The following CRHR2 variants were observed in gnomAD, a reference collection of about 807,000 sequenced individuals.
The protein encoded by CRHR2 is corticotropin-releasing hormone receptor 2.
Under a neutral mutation model 57.9 loss-of-function variants are expected in CRHR2, and 53 were observed. The observed-to-expected ratio is 0.92, with a 90% CI of 0.73 to 1.15. The LOEUF (loss-of-function observed/expected upper bound fraction) is 1.15, where lower values mean the gene tolerates loss of function less well. Among genes scored for constraint, CRHR2 ranks in the 50% most tolerant of loss-of-function variants. The pLI, the probability that CRHR2 is intolerant of heterozygous loss-of-function variation, is 0.00. For synonymous variants in CRHR2, 213 were observed against 220.9 expected (o/e 0.96, Z 0.32); for missense variants, 532 against 542.6 (o/e 0.98, Z 0.19).
intron 5 of CRHR2, among the ~76,000 whole-genome samples, chr7:30,663,105 A>T (rs1784077342): frequency 6.6e-6 from 1 of 152,094 alleles, no homozygotes; most frequent in Non-Finnish European, 1.5e-5. Context: ...CTAATTTTTC[A>T]TTCTAGTAAA....
chr7:30,662,907 A>G (rs1784067640), intron 5 of CRHR2, 60 bp from the exon 6 acceptor site: 8 of 1,574,638 alleles, frequency 5.1e-6, no homozygotes, highest in Non-Finnish European at 6.1e-6. Context: ...GGACATACCC[A>G]TCCCCAGGCA....
At chr7:30,673,214 C>CA (rs1562802334) in intron 2 of CRHR2, among the ~76,000 whole-genome samples, 1 of 146,584 alleles carries the variant, frequency 6.8e-6, no homozygotes, top group Non-Finnish European at 1.5e-5. Context: ...TTCTTACCTA[C>CA]TTTTTTTTTT....
At position 30,693,138 on chromosome 7, in the gene CRHR2, G is replaced by A. The variant is rs190987750; in HGVS notation, c.-260-3854C>T. 6.0e-3 allele frequency among the ~76,000 whole-genome samples: 914 copies of A among 152,316 alleles called. 13 individuals carry two copies. The highest frequency in any genetic ancestry group is 0.02 in the African/African-American group (836 of 41,556). On this transcript the variant is annotated intron_variant, in intron 1 of 13. Coordinates refer to the CRHR2 transcript ENST00000341843. ...GGGCAGGACCTTGCACAAGAGAGAT[G>A]AGGAATTATAAATATTAGGTCTTAG...
chr7:30,662,627 A>G (rs2128141813), intron 6 of CRHR2, 67 bp downstream of exon 6: 1 of 1,565,012 alleles, frequency 6.4e-7, no homozygotes, highest in Non-Finnish European at 8.7e-7. Context: ...TGGACCCAAG[A>G]CGAAGGGAAA....
chr7:30,674,007 C>A (rs956747235), intron 2 of CRHR2, among the ~76,000 whole-genome samples: 2 of 152,160 alleles, frequency 1.3e-5, no homozygotes, highest in African/African-American at 4.8e-5. Flanking sequence ...GATTCCATTT[C>A]TTAGTGTTAT....
At chr7:30,658,037 C>A (rs1453788094) in intron 8 of CRHR2, among the ~76,000 whole-genome samples, 2 of 152,216 alleles carry the variant, frequency 1.3e-5, no homozygotes, top group African/African-American at 4.8e-5. Context: ...TTACACTTGG[C>A]AGACATTTAG....
At chr7:30,658,534 C>G (rs1783875344) in intron 8 of CRHR2, among the ~76,000 whole-genome samples, 1 of 152,198 alleles carries the variant, frequency 6.6e-6, no homozygotes, top group African/African-American at 2.4e-5. Flanking sequence ...TGAGGCCCCC[C>G]TCCCAAATGA....
Position 30,699,944 on chromosome 7 carries a change from G to A in CRHR2, c.-261C>T, listed in dbSNP as rs758763493. On this transcript the variant is annotated splice_region_variant and 5_prime_UTR_variant, in exon 1 of 14. Coordinates refer to the CRHR2 transcript ENST00000341843. ...GTGGACTCCCACTCCCTGCACTTAC[G>A]TATTGGAGCGGCGGTGGGAGGAGGC... 65 of 1,508,034 alleles carry A rather than the reference G, an allele frequency of 4.3e-5. No homozygotes were observed. In the East Asian group the frequency reaches 6.8e-4, roughly 16 times the overall value. 93.4% of individuals were successfully genotyped at this position (1,508,034 alleles called of 1,614,324 possible).
intron 3 of CRHR2, among the ~76,000 whole-genome samples, chr7:30,666,017 T>C (rs1175723074): frequency 6.6e-6 from 1 of 152,174 alleles, no homozygotes; most frequent in East Asian, 1.9e-4. Flanking sequence ...AGTGCCACTG[T>C]GCCTGGCACC....
intron 2 of CRHR2, among the ~76,000 whole-genome samples, chr7:30,675,156 C>T (rs947583175): frequency 3.9e-5 from 6 of 152,118 alleles, no homozygotes; most frequent in African/African-American, 1.4e-4. Context: ...TGAAAGGGAC[C>T]GCCTGCCTGA....
chr7:30,660,298 G>T (rs1026162710), intron 8 of CRHR2, among the ~76,000 whole-genome samples: 20 of 152,220 alleles, frequency 1.3e-4, no homozygotes, highest in Non-Finnish European at 2.5e-4. Flanking sequence ...GACCGGGAGG[G>T]CACAGGAAGT....
chr7:30,699,292 C>T (rs1224003570), intron 1 of CRHR2, among the ~76,000 whole-genome samples: 1 of 152,184 alleles, frequency 6.6e-6, no homozygotes, highest in Non-Finnish European at 1.5e-5. Flanking sequence ...TGGACAAAGG[C>T]ACGGGGTGTG....
In CRHR2 at chr7:30,653,768, G is replaced by A. The variant is rs1783673470; in HGVS notation, c.1096-168C>T. On this transcript the variant is annotated intron_variant, in intron 11 of 11. Coordinates refer to ENST00000471646, the MANE Select transcript of CRHR2 (RefSeq NM_001883.5). The surrounding 1 kb of genome is among the most constrained non-coding windows in gnomAD (Gnocchi z 5.0). ...CTGATGCTGTTGCCTCTCTCCAGGG[G>A]CCTCTTCCTTATCCTTTTCCTGGAG... Among the ~76,000 whole-genome samples, 1 of 152,058 alleles carries A rather than the reference G, an allele frequency of 6.6e-6. No individual in the cohort carries two copies. The highest frequency in any genetic ancestry group is 2.4e-5 in the African/African-American group (1 of 41,392).
At chr7:30,694,515 C>T (rs1205177049) in intron 1 of CRHR2, among the ~76,000 whole-genome samples, 4 of 152,214 alleles carry the variant, frequency 2.6e-5, no homozygotes, top group African/African-American at 9.7e-5. Flanking sequence ...GGCGACAAAG[C>T]TTCTGTCTAA....
chr7:30,661,247 T>C (rs1460728066), intron 7 of CRHR2, among the ~76,000 whole-genome samples: 1 of 152,140 alleles, frequency 6.6e-6, no homozygotes, highest in Non-Finnish European at 1.5e-5. Flanking sequence ...AGGGTCTGGG[T>C]CGGCCAGCAA....
chr7:30,667,189 G>A, intron 3 of CRHR2, 39 bp downstream of exon 3: 1 of 1,581,552 alleles, frequency 6.3e-7, no homozygotes, highest in Non-Finnish European at 8.7e-7. Context: ...CCAAATACCT[G>A]TGTGAGGCCT....
At chr7:30,660,138 A>G (rs1252005521) in intron 8 of CRHR2, among the ~76,000 whole-genome samples, 2 of 152,046 alleles carry the variant, frequency 1.3e-5, no homozygotes, top group Admixed American at 1.3e-4. Flanking sequence ...CCCGGTATTC[A>G]CCGCTTCAGG....
intron 5 of CRHR2, among the ~76,000 whole-genome samples, chr7:30,664,299 C>T (rs1784108258): frequency 6.6e-6 from 1 of 152,226 alleles, no homozygotes; most frequent in African/African-American, 2.4e-5. Flanking sequence ...ATAGCTTGGA[C>T]ACAGTACACA....
At chr7:30,687,259 A>G (rs988785124), upstream of CRHR2, among the ~76,000 whole-genome samples, 5 of 152,184 alleles carry the variant, frequency 3.3e-5, no homozygotes, top group Non-Finnish European at 7.3e-5. Flanking sequence ...GCTCCCTAGC[A>G]GCCTCTACAT....
Sources: gnomAD v4.1 joint callset for allele counts (sites outside exome capture counted in the v4.1 genomes callset) on GRCh38, gnomAD v4.1.1 for gene constraint, Gnocchi (gnomAD v3.1) non-coding constraint, MANE v1.5 for transcripts, NCBI Gene and HGNC (gene_info 2026-07-23, HGNC 2026-07-21) for gene names.